The following WDR70 variants were observed in gnomAD, a reference collection of about 807,000 sequenced individuals.
WDR70 encodes the protein WD repeat-containing protein 70.
Under a neutral mutation model 88.6 loss-of-function variants are expected in WDR70, and 53 were observed. The observed-to-expected ratio is 0.60, with a 90% CI of 0.48 to 0.75. WDR70 has a LOEUF of 0.75. Among genes scored for constraint, WDR70 ranks in the 30% least tolerant of loss-of-function variants. The pLI is 0.00. For missense variants in WDR70, 610 were observed against 823.2 expected, an observed-to-expected ratio of 0.74 and a Z score of 3.17; for synonymous variants, 280 against 270.0, an observed-to-expected ratio of 1.04 and a Z score of -0.36.
Position 37,379,537 on chromosome 5 carries a change from T to C in WDR70, c.74T>C (p.Met25Thr). The C allele has an allele frequency of 1.2e-6, 2 of 1,613,970 alleles. No individual in the cohort carries two copies. Among genetic ancestry groups the C allele is most frequent in the Non-Finnish European group, 1.7e-6 (2 of 1,179,852 alleles). The part of the protein sequence containing the change: ...SGPDPQLAVT[M>T]GFTGFGKKAR... ...CCGGACCCGCAGCTTGCGGTCACCA[T>C]GGGCTTCACGGGGTTCGGTGAGTGA... is the stretch of plus-strand genomic sequence containing the variant. The change falls in exon 2 of 18, where the codon ATG (methionine) becomes ACG (threonine). Residue 25 changes from methionine (M) to threonine (T), a missense_variant. This residue lies in a region of WDR70 where 203 missense variants were observed against 228.1 expected (regional missense o/e 0.89). Transcript: ENST00000265107.
chr5:37,560,809 ATT>A (rs397885116), intron 9 of WDR70, among the ~76,000 whole-genome samples: 10 of 130,936 alleles, frequency 7.6e-5, no homozygotes, highest in Admixed American at 1.6e-4. Flanking sequence ...GCAGAAGCAG[ATT>A]TTTTTTTTTT....
intron 9 of WDR70, among the ~76,000 whole-genome samples, chr5:37,564,197 C>G (rs1007175528): frequency 1.6e-4 from 25 of 151,606 alleles, no homozygotes; most frequent in African/African-American, 6.0e-4. Context: ...GAGGTTGTAG[C>G]GAGCCGAGAT....
At position 37,490,183 on chromosome 5, in the gene WDR70, G is replaced by C. The variant is rs1561873109; in HGVS notation, c.840+10196G>C. 2.0e-5 allele frequency among the ~76,000 whole-genome samples: 3 copies of C among 152,140 alleles called. 1 individual carries two copies. The highest frequency in any genetic ancestry group is 4.1e-4 in the South Asian group (2 of 4,832). On this transcript the variant is annotated intron_variant, in intron 8 of 17. Transcript: ENST00000265107. ...GATAGAGAGCACTGGGGTTGCTGGT[G>C]CCAGACCTTGTGAGCTTGTCCTTAA...
chr5:37,460,931 T>G (rs1738979492), intron 7 of WDR70, among the ~76,000 whole-genome samples: 1 of 151,914 alleles, frequency 6.6e-6, no homozygotes, highest in African/African-American at 2.4e-5. Flanking sequence ...TTTTAACATT[T>G]TTTGACTTGC....
chr5:37,709,848 A>C (rs1463871765), intron 13 of WDR70, among the ~76,000 whole-genome samples: 1 of 151,644 alleles, frequency 6.6e-6, no homozygotes, highest in African/African-American at 2.4e-5. Context: ...TGAAAAACTT[A>C]AATCTTTTTG....
intron 2 of WDR70, among the ~76,000 whole-genome samples, chr5:37,380,320 A>G (rs138472761): frequency 6.6e-6 from 1 of 151,678 alleles, no homozygotes; most frequent in African/African-American, 2.4e-5. Flanking sequence ...CACACATACT[A>G]GTTCTGTAGT....
At chr5:37,420,205 T>A (rs1479000297) in intron 5 of WDR70, among the ~76,000 whole-genome samples, 1 of 151,868 alleles carries the variant, frequency 6.6e-6, no homozygotes, top group Non-Finnish European at 1.5e-5. Flanking sequence ...CAAAATAAAT[T>A]AATAAATAAA....
chr5:37,611,167 G>C (rs952046210), intron 10 of WDR70, among the ~76,000 whole-genome samples: 1 of 151,818 alleles, frequency 6.6e-6, no homozygotes, highest in Non-Finnish European at 1.5e-5. Context: ...GCTTTTAGTG[G>C]GTTTTTTTGT....
rs1459011356 is a variant in WDR70, at chr5:37,679,569, GCTAT to G, written c.1093-18083_1093-18080del. 2.3e-4 allele frequency among the ~76,000 whole-genome samples: 35 copies of G among 152,336 alleles called. No homozygotes were observed. In the East Asian group the frequency reaches 2.9e-3, roughly 13 times the overall value. ...CGGATTTTCGTGAACCGCGAATGCT[GCTAT>G]CTGATCGTTCCTCTGGAAGTTTTGT... is the stretch of plus-strand genomic sequence containing the variant. On this transcript the variant is annotated intron_variant, in intron 10 of 17. Transcript: ENST00000265107.
At chr5:37,501,233 C>G (rs2112219972) in intron 8 of WDR70, among the ~76,000 whole-genome samples, 1 of 152,044 alleles carries the variant, frequency 6.6e-6, no homozygotes, top group East Asian at 1.9e-4. Context: ...ATGATTATTT[C>G]TTTTGTTGTG....
At chr5:37,560,040 GAAT>G (rs1344961737) in intron 9 of WDR70, among the ~76,000 whole-genome samples, 1 of 152,000 alleles carries the variant, frequency 6.6e-6, no homozygotes, top group Admixed American at 6.6e-5. Flanking sequence ...ATGTTTTTTA[GAAT>G]AATTTCTTTT....
chr5:37,616,347 A>G (rs1021109531), intron 10 of WDR70, among the ~76,000 whole-genome samples: 77 of 152,090 alleles, frequency 5.1e-4, no homozygotes, highest in Non-Finnish European at 6.6e-4. Context: ...ACCTCAAGTG[A>G]TCCACCCGCC....
intron 7 of WDR70, among the ~76,000 whole-genome samples, chr5:37,452,626 G>A (rs1325734615): frequency 6.6e-6 from 1 of 152,164 alleles, no homozygotes; most frequent in Non-Finnish European, 1.5e-5. Flanking sequence ...ATCCACACAT[G>A]CCTATAACTC....
chr5:37,655,336 T>A (rs189101561), intron 10 of WDR70, among the ~76,000 whole-genome samples: 1 of 152,320 alleles, frequency 6.6e-6, no homozygotes, highest in Admixed American at 6.5e-5. Context: ...CTTCCTTCTG[T>A]GGGTAACCCA....
rs142842817 is a variant in WDR70, at chr5:37,605,209, A to G, written c.1063A>G (p.Ser355Gly). Residue 355 changes from serine (S) to glycine (G), a missense_variant, in exon 10 of 18, where the codon AGC becomes GGC. Ser to Gly is a moderately conservative substitution (Grantham distance 56). Coordinates refer to ENST00000265107, the MANE Select transcript of WDR70 (RefSeq NM_018034.4). ...NLIAAACQNG[S>G]IQIWDRNLTV... is the part of the protein sequence containing the mutation. ...CATAGCAGCTGCCTGCCAGAATGGAAGCATACAGATCTGGGACCGAAATTT... is the reference window on the plus strand; with the variant it reads ...CATAGCAGCTGCCTGCCAGAATGGAGGCATACAGATCTGGGACCGAAATTT... 6.2e-7 allele frequency: 1 copy of G among 1,609,138 alleles called. No individual in the cohort carries two copies. Among genetic ancestry groups the G allele is most frequent in the Non-Finnish European group, 8.5e-7 (1 of 1,177,674 alleles).
rs1258493923 is a variant in WDR70, at chr5:37,540,114, A to T, written c.917+23524A>T. Among the ~76,000 whole-genome samples, 7 of 152,338 alleles carry T rather than the reference A, an allele frequency of 4.6e-5. 1 individual carries two copies. The highest frequency in any genetic ancestry group is 1.4e-4 in the African/African-American group (6 of 41,576). On this transcript the variant is annotated intron_variant, in intron 9 of 17. Transcript: ENST00000265107. The stretch of plus-strand genomic sequence containing the variant: ...TTTGCCATTTAAAATTTAAGCCTAC[A>T]TGGAGTATTGTTGAGATTTATAATT...
chr5:37,481,552 T>C (rs1159024820), intron 8 of WDR70, among the ~76,000 whole-genome samples: 1 of 151,940 alleles, frequency 6.6e-6, no homozygotes, highest in East Asian at 1.9e-4. Context: ...AGCTGGGATG[T>C]AGGGCACCAA....
At position 37,415,383 on chromosome 5, in the gene WDR70, C is replaced by T. The variant is rs1339383681; in HGVS notation, c.492+18813C>T. ...CCGGGCAGAGGCACCCCTCACCTCC[C>T]GGACGGGGCGGCTGGCCGGGCGGGG... On this transcript the variant is annotated intron_variant, in intron 5 of 17. Transcript: ENST00000265107. Among the ~76,000 whole-genome samples the T allele has an allele frequency of 6.2e-5, 8 of 128,612 alleles. 1 individual carries two copies. Among genetic ancestry groups the T allele is most frequent in the South Asian group, 2.7e-4 (1 of 3,714 alleles). The allele number at this position is 128,612 out of a possible 152,430, so 84.4% of individuals were successfully genotyped here.
At chr5:37,403,451 A>T (rs1749262024) in intron 5 of WDR70, among the ~76,000 whole-genome samples, 1 of 152,184 alleles carries the variant, frequency 6.6e-6, no homozygotes. Context: ...TACCTGTAAC[A>T]CAAGTCACAT....
Sources: allele counts gnomAD v4.1 joint callset (sites outside exome capture counted in the v4.1 genomes callset), GRCh38; gene constraint gnomAD v4.1.1; regional missense constraint gnomAD v4.1.1; transcripts MANE v1.5; gene names NCBI Gene and HGNC (gene_info 2026-07-23, HGNC 2026-07-21).